The following GK variants were observed in gnomAD, a reference collection of about 807,000 sequenced individuals.
GK encodes the protein ATP:glycerol 3-phosphotransferase.
In GK, 9 loss-of-function variants were observed where a neutral mutation model predicts 56.4. That is an observed-to-expected ratio of 0.16 (90% confidence interval 0.10 to 0.28). The LOEUF is 0.28. GK is among the 10% of genes least tolerant of loss of function. GK has a pLI of 1.00. For missense variants in GK, 161 were observed against 431.4 expected, an observed-to-expected ratio of 0.37 and a Z score of 5.55; for synonymous variants, 104 against 144.1, an observed-to-expected ratio of 0.72 and a Z score of 1.99.
rs67617418 is a variant in GK at position 30,711,127 on chromosome X, C to CTT, written c.975+3003_975+3004dup. Among the ~76,000 whole-genome samples, 363 of 97,180 alleles carry CTT rather than the reference C, an allele frequency of 3.7e-3. 3 individuals carry two copies. Among genetic ancestry groups the CTT allele is most frequent in the Admixed American group, 5.2e-3 (46 of 8,844 alleles). 84.4% of individuals were successfully genotyped at this position (97,180 alleles called of 115,157 possible). On this transcript the variant is annotated intron_variant, in intron 13 of 20. Coordinates refer to ENST00000427190, the MANE Select transcript of GK (RefSeq NM_001205019.2). ...CTACTTTTTTCCTTTTTTTCTTCTT[C>CTT]TTTTTTTTTTTGCTGAGGGGCATCC... is the stretch of plus-strand genomic sequence containing the variant.
intron 1 of GK, among the ~76,000 whole-genome samples, chrX:30,661,571 C>T (rs1472978412): frequency 1.8e-5 from 2 of 111,084 alleles, no homozygotes; most frequent in African/African-American, 3.3e-5. Flanking sequence ...CCCACTGTCC[C>T]GCATGGACTC....
intron 1 of GK, among the ~76,000 whole-genome samples, chrX:30,658,020 G>A (rs946797412): frequency 7.1e-5 from 8 of 112,023 alleles, no homozygotes; most frequent in African/African-American, 2.6e-4. Context: ...TGTCACTGTG[G>A]ATAATGGTTG....
intron 3 of GK, among the ~76,000 whole-genome samples, chrX:30,677,006 A>G (rs918944036): frequency 2.7e-5 from 3 of 111,814 alleles, no homozygotes; most frequent in Non-Finnish European, 5.6e-5. Context: ...AGCAATTGGT[A>G]AACAAATGAA....
At chrX:30,708,194 C>A in intron 13 of GK, 60 bp downstream of exon 13, 1 of 636,233 alleles carries the variant, frequency 1.6e-6, no homozygotes, top group Non-Finnish European at 2.6e-6. Flanking sequence ...ATAAAAATTA[C>A]AGTGTTTTCT....
intron 3 of GK, among the ~76,000 whole-genome samples, chrX:30,676,332 T>C: frequency 8.9e-6 from 1 of 112,575 alleles, no homozygotes; most frequent in East Asian, 2.8e-4. Flanking sequence ...CCAATGGAGA[T>C]TGCTCTGCCT....
intron 6 of GK, among the ~76,000 whole-genome samples, 167 bp downstream of exon 6, chrX:30,694,704 T>C (rs1328149588): frequency 8.9e-6 from 1 of 111,870 alleles, no homozygotes; most frequent in Non-Finnish European, 1.9e-5. Flanking sequence ...TCGAGAAGCA[T>C]TTTTGCCTAC....
At chrX:30,701,677 T>C (rs1005853342) in intron 11 of GK, among the ~76,000 whole-genome samples, 1 of 112,554 alleles carries the variant, frequency 8.9e-6, no homozygotes, top group Non-Finnish European at 1.9e-5. Context: ...GTTTCGCCTT[T>C]CCTGGCATTG....
chrX:30,720,563 T>A (rs1936848727), intron 16 of GK, 58 bp from the exon 17 acceptor site: 1 of 1,082,245 alleles, frequency 9.2e-7, no homozygotes, highest in African/African-American at 1.8e-5. Flanking sequence ...GGATTGCCAT[T>A]TTCAGAGATG....
At chrX:30,708,234 G>T (rs971034998) in intron 13 of GK, 100 bp downstream of exon 13, 1 of 491,560 alleles carries the variant, frequency 2.0e-6, no homozygotes, top group Non-Finnish European at 3.4e-6. Context: ...TTAATACAGA[G>T]GACTCAAAAA....
At position 30,665,605 on chromosome X, in the gene GK, T is replaced by A. The variant is rs772232381; in HGVS notation, c.152+21T>A. The stretch of plus-strand genomic sequence containing the variant: ...GAAGGGTATGTTTCCTAATTTAATA[T>A]GTAAAGACACATTATGTTTGTTAGT... On this transcript the variant is annotated intron_variant, in intron 2 of 20. Coordinates refer to ENST00000427190, the MANE Select transcript of GK (RefSeq NM_001205019.2). The A allele has an allele frequency of 5.9e-5, 53 of 903,028 alleles. No homozygotes were observed. The Middle Eastern group carries it at 8.0e-3, about 136-fold the overall frequency. The allele number at this position is 903,028 out of a possible 1,213,427, so 74.4% of individuals were successfully genotyped here.
chrX:30,680,882 A>G (rs983393575), intron 4 of GK, among the ~76,000 whole-genome samples: 2 of 111,663 alleles, frequency 1.8e-5, no homozygotes, highest in South Asian at 7.5e-4. Context: ...GAAGTGAGGT[A>G]AACTGAAAAT....
chrX:30,721,296 C>CTT (rs144465487), intron 18 of GK: 4,759 of 208,637 alleles, frequency 0.023, no homozygotes, highest in Middle Eastern at 0.044. Flanking sequence ...TTAGAATAGC[C>CTT]TTTTTTTTTT....
intron 3 of GK, among the ~76,000 whole-genome samples, chrX:30,670,556 G>T (rs1208146324): frequency 3.6e-5 from 4 of 110,715 alleles, no homozygotes; most frequent in Middle Eastern, 9.3e-3. Flanking sequence ...GGCCACAGAA[G>T]AGAACATCCC....
At chrX:30,697,193 T>A (rs1456893518) in intron 8 of GK, among the ~76,000 whole-genome samples, 1 of 112,363 alleles carries the variant, frequency 8.9e-6, no homozygotes, top group Non-Finnish European at 1.9e-5. Flanking sequence ...TACTTTTGAT[T>A]TCACTGAAAT....
chrX:30,728,942 G>T lies in GK; in HGVS notation c.*200G>T, dbSNP rs776875088. ...AAGAATGCTATAGAAATATTTGGTG[G>T]TTTTTTTTTTTTTTAAACATCCACA... On this transcript the variant is annotated 3_prime_UTR_variant, in exon 21 of 21. Coordinates refer to ENST00000427190, the MANE Select transcript of GK (RefSeq NM_001205019.2). 643 of 340,468 alleles carry T rather than the reference G, an allele frequency of 1.9e-3. No homozygotes were observed. The highest frequency in any genetic ancestry group is 2.0e-3 in the Non-Finnish European group (395 of 197,569). The allele number at this position is 340,468 out of a possible 1,213,427, so 28.1% of individuals were successfully genotyped here.
chrX:30,670,621 TA>T (rs2037500459), intron 3 of GK, among the ~76,000 whole-genome samples: 6 of 111,500 alleles, frequency 5.4e-5, no homozygotes, highest in Non-Finnish European at 1.1e-4. Flanking sequence ...CCAGAAAATT[TA>T]TCCAATTGGC....
At chrX:30,687,489 G>C (rs1239843818) in intron 4 of GK, 1 of 341,148 alleles carries the variant, frequency 2.9e-6, no homozygotes, top group African/African-American at 2.6e-5. Flanking sequence ...CTTGAACCTG[G>C]CCATCTCTAG....
At chrX:30,721,648 C>T (rs2147265673) in intron 18 of GK, 1 of 114,520 alleles carries the variant, frequency 8.7e-6, no homozygotes, top group Admixed American at 8.9e-5. Context: ...AGCCACTCAT[C>T]CCTAATGTCT....
rs1007046546 is a variant in GK, at chrX:30,674,793, A to C, written c.260-2582A>C. 2.9e-4 allele frequency among the ~76,000 whole-genome samples: 32 copies of C among 111,758 alleles called. 1 individual carries two copies. The highest frequency in any genetic ancestry group is 3.0e-4 in the Non-Finnish European group (16 of 53,193). ...CAGACCCGTCACCCAGTTAGTGAGCATACCACCCAATAGGTAGTTTTAGAA... is the reference window on the plus strand; with the variant it reads ...CAGACCCGTCACCCAGTTAGTGAGCCTACCACCCAATAGGTAGTTTTAGAA... On this transcript the variant is annotated intron_variant, in intron 3 of 20. Transcript: ENST00000427190.
Sources: gnomAD v4.1 joint callset for allele counts (sites outside exome capture counted in the v4.1 genomes callset) on GRCh38, gnomAD v4.1.1 for gene constraint, MANE v1.5 for transcripts, NCBI Gene and HGNC (gene_info 2026-07-23, HGNC 2026-07-21) for gene names.